Variants in LRRTM4 observed in about 807,000 individuals in gnomAD.
LRRTM4 encodes leucine-rich repeat transmembrane neuronal protein 4.
LRRTM4 carries 25 observed loss-of-function variants against 47.6 expected under a neutral mutation model. That is an observed-to-expected ratio of 0.53 (90% CI 0.38 to 0.73). The LOEUF is 0.73. Among genes scored for constraint, LRRTM4 ranks in the 30% least tolerant of loss-of-function variants. LRRTM4 has a pLI of 0.00. For synonymous variants in LRRTM4, 311 were observed against 269.5 expected (o/e 1.15, Z -1.51); for missense variants, 638 against 713.4 (o/e 0.89, Z 1.20).
At chr2:76,968,031 G>GGAT (rs147356802) in intron 3 of LRRTM4, among the ~76,000 whole-genome samples, 7,913 of 150,684 alleles carry the variant, frequency 0.053, 473 homozygotes, top group East Asian at 0.14. Flanking sequence ...AGGCAAAAAT[G>GGAT]GATAAAAAGA....
intron 3 of LRRTM4, among the ~76,000 whole-genome samples, chr2:77,172,825 A>AGG (rs200222750): frequency 0.012 from 1,813 of 152,296 alleles, 36 homozygotes; most frequent in African/African-American, 0.042. Context: ...ACTGAGAATA[A>AGG]GTGGGGTTAC....
chr2:77,050,454 G>A (rs1163366716), intron 3 of LRRTM4, among the ~76,000 whole-genome samples: 1 of 152,048 alleles, frequency 6.6e-6, no homozygotes, highest in African/African-American at 2.4e-5. Context: ...TTTACCATTT[G>A]GACTTGAAGC....
rs6712838 is a variant in LRRTM4, at chr2:77,252,093, C to G, written c.1551+266225G>C. ...GGTTCTGATGAAAAGTCAACAAATCCGTCATTCACCAAACTCAAGACAATA... is the reference window on the plus strand; with the variant it reads ...GGTTCTGATGAAAAGTCAACAAATCGGTCATTCACCAAACTCAAGACAATA... On this transcript the variant is annotated intron_variant, in intron 3 of 3. Transcript: ENST00000409884. Among the ~76,000 whole-genome samples, 19 of 152,088 alleles carry G rather than the reference C, an allele frequency of 1.2e-4. No homozygotes were observed. The South Asian group carries it at 3.1e-3, about 25-fold the overall frequency.
intron 3 of LRRTM4, among the ~76,000 whole-genome samples, chr2:77,146,371 T>C (rs946057309): frequency 6.6e-6 from 1 of 152,170 alleles, no homozygotes; most frequent in Non-Finnish European, 1.5e-5. Context: ...TCAAGATTCA[T>C]TACTTTCCTT....
intron 3 of LRRTM4, among the ~76,000 whole-genome samples, chr2:77,202,669 A>G (rs1674010040): frequency 2.0e-5 from 3 of 151,770 alleles, no homozygotes; most frequent in Admixed American, 2.0e-4. Context: ...GCTATACTAG[A>G]TGAATATTAC....
Position 76,907,346 on chromosome 2 carries a change from T to C in LRRTM4, c.1552-158430A>G, listed in dbSNP as rs531290831. Among the ~76,000 whole-genome samples the C allele has an allele frequency of 7.9e-5, 12 of 151,040 alleles. No homozygotes were observed. In the South Asian group the frequency reaches 1.5e-3, roughly 19 times the overall value. ...TCTCTGGGACGCATTCAAAGTAGTG[T>C]GTAAAGGGAAATTTATAGCACTAAA... On this transcript the variant is annotated intron_variant, in intron 3 of 3. Coordinates refer to ENST00000409884, the MANE Select transcript of LRRTM4 (RefSeq NM_001134745.3).
chr2:76,873,013 T>C (rs1412054533), intron 3 of LRRTM4, among the ~76,000 whole-genome samples: 5 of 152,114 alleles, frequency 3.3e-5, no homozygotes, highest in African/African-American at 9.7e-5. Flanking sequence ...GCTTCTTGTA[T>C]AGCCTGTAGA....
intron 3 of LRRTM4, among the ~76,000 whole-genome samples, chr2:77,223,890 A>C (rs767786210): frequency 3.3e-5 from 5 of 152,018 alleles, no homozygotes; most frequent in East Asian, 1.9e-4. Context: ...AAAAAAGAGC[A>C]CGCATTGCCA....
At chr2:77,354,231 C>A (rs1671888698) in intron 3 of LRRTM4, among the ~76,000 whole-genome samples, 1 of 151,982 alleles carries the variant, frequency 6.6e-6, no homozygotes, top group Non-Finnish European at 1.5e-5. Context: ...TCAATCTGGT[C>A]CAAAGTTCCA....
chr2:76,998,618 A>C (rs1395216785), intron 3 of LRRTM4, among the ~76,000 whole-genome samples: 2 of 152,192 alleles, frequency 1.3e-5, no homozygotes, highest in South Asian at 2.1e-4. Flanking sequence ...ATTTTTGTAC[A>C]CATTGAAGTC....
intron 3 of LRRTM4, among the ~76,000 whole-genome samples, chr2:77,094,760 A>G (rs1324462564): frequency 6.6e-6 from 1 of 152,226 alleles, no homozygotes; most frequent in East Asian, 1.9e-4. Context: ...TACTTCGGTC[A>G]CATCATATAC....
intron 3 of LRRTM4, among the ~76,000 whole-genome samples, chr2:77,466,898 C>T (rs1677002577): frequency 6.6e-6 from 1 of 151,882 alleles, no homozygotes; most frequent in South Asian, 2.1e-4. Flanking sequence ...GGGATTTCAC[C>T]ATGTTGGCCA....
At chr2:77,283,841 G>T (rs1425688272) in intron 3 of LRRTM4, among the ~76,000 whole-genome samples, 1 of 152,042 alleles carries the variant, frequency 6.6e-6, no homozygotes, top group Non-Finnish European at 1.5e-5. Flanking sequence ...GAAGGTAAGT[G>T]GCAAGGGTTG....
At chr2:77,515,873 C>T (rs1011509701) in intron 3 of LRRTM4, among the ~76,000 whole-genome samples, 4 of 151,836 alleles carry the variant, frequency 2.6e-5, no homozygotes, top group Non-Finnish European at 5.9e-5. Context: ...TTCCCTATAA[C>T]AATTTCTAAG....
chr2:77,077,171 T>C (rs1341029244), intron 3 of LRRTM4, among the ~76,000 whole-genome samples: 3 of 152,180 alleles, frequency 2.0e-5, no homozygotes, highest in Non-Finnish European at 4.4e-5. Context: ...CTATATTGAT[T>C]AATGAGTTTG....
chr2:76,932,790 ATACT>A (rs147715212), intron 3 of LRRTM4, among the ~76,000 whole-genome samples: 5,903 of 151,796 alleles, frequency 0.039, 246 homozygotes, highest in East Asian at 0.13. Context: ...AGAGAGGAAA[ATACT>A]TACTCTAAAG....
intron 3 of LRRTM4, among the ~76,000 whole-genome samples, chr2:77,427,106 G>A (rs993010599): frequency 7.2e-5 from 11 of 151,788 alleles, no homozygotes; most frequent in African/African-American, 2.7e-4. Context: ...AGCCTCCAGA[G>A]TAGCTGGGAC....
intron 3 of LRRTM4, among the ~76,000 whole-genome samples, chr2:77,243,242 C>A (rs1169414363): frequency 6.6e-6 from 1 of 151,848 alleles, no homozygotes; most frequent in Non-Finnish European, 1.5e-5. Context: ...AAACCCCCAT[C>A]TCTACTAAAA....
intron 3 of LRRTM4, among the ~76,000 whole-genome samples, chr2:76,968,338 GTGTA>G (rs1676097059): frequency 1.1e-5 from 1 of 89,850 alleles, no homozygotes; most frequent in Non-Finnish European, 2.2e-5. Flanking sequence ...GTGTGTATGT[GTGTA>G]TATATATATA....
Sources: gnomAD v4.1 joint callset for allele counts (sites outside exome capture counted in the v4.1 genomes callset) on GRCh38, gnomAD v4.1.1 for gene constraint, MANE v1.5 for transcripts, NCBI Gene and HGNC (gene_info 2026-07-23, HGNC 2026-07-21) for gene names.